CARMIL1: variants seen among roughly 807,000 people sequenced by gnomAD.
CARMIL1 encodes capping protein regulator and myosin 1 linker 1.
CARMIL1 carries 90 observed loss-of-function variants against 177.1 expected under a neutral mutation model. That is an observed-to-expected ratio of 0.51 (90% confidence interval 0.43 to 0.61). CARMIL1 has a LOEUF of 0.61. Among genes scored for constraint, CARMIL1 ranks in the 20% least tolerant of loss-of-function variants. CARMIL1 has a pLI of 0.00. For missense variants in CARMIL1, 1,380 were observed against 1,667.0 expected (o/e 0.83, Z 3.00); for synonymous variants, 577 against 606.2 (o/e 0.95, Z 0.71).
rs1278466667 is a variant in CARMIL1 at position 25,600,739 on chromosome 6, C to T, written c.3545C>T (p.Ala1182Val). ...AAGCAAGAGAAGAGAGCTGCGTGTGCGCAGAAGGTAAGGGTGGACCTATTT... is the reference window on the plus strand; with the variant it reads ...AAGCAAGAGAAGAGAGCTGCGTGTGTGCAGAAGGTAAGGGTGGACCTATTT... ...KAKQEKRAAC[A>V]QKKLGNDAVS... The change falls in exon 33 of 37, where the codon GCG becomes GTG. Residue 1182 changes from alanine to valine, a missense_variant. Coordinates refer to ENST00000329474, the MANE Select transcript of CARMIL1 (RefSeq NM_017640.6). 7 of 1,525,768 alleles carry T rather than the reference C, an allele frequency of 4.6e-6. No individual in the cohort carries two copies. Among genetic ancestry groups the T allele is most frequent in the South Asian group, 1.3e-5 (1 of 76,028 alleles). 94.5% of individuals were successfully genotyped at this position (1,525,768 alleles called of 1,614,324 possible).
chr6:25,447,565 C>T (rs1342409330), intron 5 of CARMIL1, among the ~76,000 whole-genome samples: 4 of 152,138 alleles, frequency 2.6e-5, no homozygotes, highest in Non-Finnish European at 5.9e-5. Flanking sequence ...TTCACCACCT[C>T]TCACCCACGT....
At chr6:25,451,385 G>A (rs543539813) in intron 8 of CARMIL1, among the ~76,000 whole-genome samples, 1 of 152,218 alleles carries the variant, frequency 6.6e-6, no homozygotes, top group South Asian at 2.1e-4. Flanking sequence ...CTGAAATTCT[G>A]AGATATGACT....
intron 2 of CARMIL1, among the ~76,000 whole-genome samples, chr6:25,290,218 C>T (rs993567974): frequency 1.2e-4 from 19 of 152,122 alleles, no homozygotes; most frequent in Non-Finnish European, 1.0e-4. Flanking sequence ...ACCTCAGCCT[C>T]CCAAGTAGCT....
At chr6:25,459,826 A>C (rs143940734) in intron 8 of CARMIL1, among the ~76,000 whole-genome samples, 208 of 152,296 alleles carry the variant, frequency 1.4e-3, no homozygotes, top group African/African-American at 4.4e-3. Flanking sequence ...AGGAGAATGC[A>C]ATGTTGCCAT....
intron 2 of CARMIL1, among the ~76,000 whole-genome samples, chr6:25,397,276 C>G (rs1359313115): frequency 6.6e-6 from 1 of 152,180 alleles, no homozygotes; most frequent in African/African-American, 2.4e-5. Flanking sequence ...TTGGTTAAGC[C>G]CTCATACAAG....
chr6:25,331,951 C>T (rs1167800271), intron 2 of CARMIL1, among the ~76,000 whole-genome samples: 1 of 152,148 alleles, frequency 6.6e-6, no homozygotes, highest in African/African-American at 2.4e-5. Flanking sequence ...AAGAACTTTT[C>T]TCATTTAAAA....
intron 36 of CARMIL1, among the ~76,000 whole-genome samples, chr6:25,614,946 A>G (rs1816779592): frequency 6.6e-6 from 1 of 152,232 alleles, no homozygotes; most frequent in Non-Finnish European, 1.5e-5. Flanking sequence ...TGATGGAACT[A>G]AATAGGACCA....
intron 2 of CARMIL1, among the ~76,000 whole-genome samples, chr6:25,294,922 T>C (rs903991818): frequency 6.6e-6 from 1 of 152,190 alleles, no homozygotes; most frequent in Non-Finnish European, 1.5e-5. Context: ...ATTGTGCCTT[T>C]TGAAGAGGGT....
intron 17 of CARMIL1, among the ~76,000 whole-genome samples, chr6:25,508,163 A>G (rs1400778682): frequency 6.6e-6 from 1 of 152,182 alleles, no homozygotes; most frequent in South Asian, 2.1e-4. Flanking sequence ...TACAGGTGTC[A>G]TGATGAGATA....
At chr6:25,428,396 T>TGCCA (rs1459848465) in intron 4 of CARMIL1, among the ~76,000 whole-genome samples, 2 of 152,214 alleles carry the variant, frequency 1.3e-5, no homozygotes, top group East Asian at 3.8e-4. Flanking sequence ...ACTATCTTCA[T>TGCCA]GCCACTCTTA....
intron 29 of CARMIL1, among the ~76,000 whole-genome samples, chr6:25,579,748 T>G (rs1401216563): frequency 6.6e-6 from 1 of 152,196 alleles, no homozygotes; most frequent in Non-Finnish European, 1.5e-5. Context: ...TTGCTAATCA[T>G]TTTTTTATCT....
chr6:25,445,684 G>C (rs777006337), intron 5 of CARMIL1, among the ~76,000 whole-genome samples: 1 of 151,814 alleles, frequency 6.6e-6, no homozygotes, highest in African/African-American at 2.4e-5. Flanking sequence ...ACAGGTGCCC[G>C]CCACCAGGTC....
chr6:25,417,147 C>T (rs1339533355), intron 2 of CARMIL1, among the ~76,000 whole-genome samples: 1 of 152,142 alleles, frequency 6.6e-6, no homozygotes. Context: ...GTAGAAGGTG[C>T]TGGATGCACT....
At chr6:25,325,944 A>G (rs994183024) in intron 2 of CARMIL1, among the ~76,000 whole-genome samples, 1 of 151,992 alleles carries the variant, frequency 6.6e-6, no homozygotes, top group Non-Finnish European at 1.5e-5. Context: ...ATCTCAGCTC[A>G]CTGCAATCCC....
At chr6:25,432,429 A>G (rs1020457787) in intron 4 of CARMIL1, among the ~76,000 whole-genome samples, 2 of 152,140 alleles carry the variant, frequency 1.3e-5, no homozygotes, top group Non-Finnish European at 2.9e-5. Flanking sequence ...TGATTGCTCT[A>G]TTGAGTTAGC....
intron 2 of CARMIL1, among the ~76,000 whole-genome samples, chr6:25,347,848 T>C (rs1787688939): frequency 1.3e-5 from 2 of 152,362 alleles, no homozygotes; most frequent in Admixed American, 6.5e-5. Flanking sequence ...CAGGATATCA[T>C]GTTTTACTTA....
chr6:25,549,755 C>G (rs1809888814), intron 26 of CARMIL1, among the ~76,000 whole-genome samples: 1 of 152,154 alleles, frequency 6.6e-6, no homozygotes, highest in African/African-American at 2.4e-5. Context: ...CTTCATTGGT[C>G]CTAATTCACA....
chr6:25,585,398 T>C (rs939298196), intron 31 of CARMIL1, among the ~76,000 whole-genome samples: 13 of 152,218 alleles, frequency 8.5e-5, no homozygotes, highest in African/African-American at 2.9e-4. Flanking sequence ...CTTTTCCAGG[T>C]GTCAGAATTG....
chr6:25,373,185 T>G (rs1285717161), intron 2 of CARMIL1, among the ~76,000 whole-genome samples: 1 of 152,134 alleles, frequency 6.6e-6, no homozygotes, highest in African/African-American at 2.4e-5. Flanking sequence ...CTTTGTTGAT[T>G]CAAGGGTATT....
Sources: allele counts gnomAD v4.1 joint callset (sites outside exome capture counted in the v4.1 genomes callset), GRCh38; gene constraint gnomAD v4.1.1; transcripts MANE v1.5; gene names NCBI Gene and HGNC (gene_info 2026-07-23, HGNC 2026-07-21).